LARP4B: variants seen among roughly 807,000 people sequenced by gnomAD.
LARP4B encodes the protein La ribonucleoprotein 4B.
In LARP4B, 12 loss-of-function variants were observed where a neutral mutation model predicts 89.8. The ratio of observed to expected loss-of-function variants is 0.13; its 90% CI spans 0.09 to 0.22. The LOEUF (loss-of-function observed/expected upper bound fraction) is 0.22. Among genes scored for constraint, LARP4B ranks in the 10% least tolerant of loss-of-function variants. The pLI is 1.00. For missense variants in LARP4B, 757 were observed against 947.7 expected, an observed-to-expected ratio of 0.80 and a Z score of 2.64; for synonymous variants, 367 against 363.3, an observed-to-expected ratio of 1.01 and a Z score of -0.12.
chr10:850,223 C>T (rs1234503261), intron 5 of LARP4B, among the ~76,000 whole-genome samples: 4 of 152,156 alleles, frequency 2.6e-5, no homozygotes, highest in African/African-American at 9.7e-5. Flanking sequence ...AATTACCACA[C>T]TAAATGTTAA....
At chr10:911,340 T>C (rs1045096637) in intron 1 of LARP4B, among the ~76,000 whole-genome samples, 2 of 152,192 alleles carry the variant, frequency 1.3e-5, no homozygotes, top group Non-Finnish European at 1.5e-5. Flanking sequence ...ACTTTGGCTA[T>C]TGTTTTTTTG....
chr10:942,937 GCTGA>G, the LARP4B span, among the ~76,000 whole-genome samples: 1 of 150,448 alleles, frequency 6.6e-6, no homozygotes, highest in Non-Finnish European at 1.5e-5. Context: ...CACAGTCCAA[GCTGA>G]CTTCTTTTTT....
chr10:811,559 C>G lies in LARP4B; in HGVS notation c.*1367G>C, dbSNP rs1831744431. 1 of 152,622 alleles carries G rather than the reference C, an allele frequency of 6.6e-6. No homozygotes were observed. Among genetic ancestry groups the G allele is most frequent in the Non-Finnish European group, 1.5e-5 (1 of 68,038 alleles). The allele number at this position is 152,622 out of a possible 1,614,324, so 9.5% of individuals were successfully genotyped here. A position where few individuals can be genotyped will look rare whatever the true frequency, so the allele number is the denominator to read the frequency against. The stretch of plus-strand genomic sequence containing the variant: ...AGTAACTCTGACCCACTCACGCCAA[C>G]CCAGGGCCGGGCTCCATGGACTCTA... On this transcript the variant is annotated 3_prime_UTR_variant, in exon 18 of 18. Transcript: ENST00000316157.
At chr10:859,358 T>C (rs894301755) in intron 5 of LARP4B, among the ~76,000 whole-genome samples, 2 of 151,600 alleles carry the variant, frequency 1.3e-5, no homozygotes, top group African/African-American at 4.8e-5. Context: ...ATGGTGGGAA[T>C]GTAAAATACT....
chr10:972,577 G>A, the LARP4B span: 5 of 457,374 alleles, frequency 1.1e-5, no homozygotes, highest in Admixed American at 2.3e-5. Context: ...CACAGCCACA[G>A]CGTCAGAGTT....
At chr10:875,144 C>A (rs1835405594) in intron 3 of LARP4B, among the ~76,000 whole-genome samples, 1 of 152,184 alleles carries the variant, frequency 6.6e-6, no homozygotes, top group African/African-American at 2.4e-5. Context: ...ACGATTCATA[C>A]CAGCTGTAAA....
intron 11 of LARP4B, among the ~76,000 whole-genome samples, chr10:826,109 C>T (rs191089707): frequency 7.2e-5 from 11 of 152,328 alleles, no homozygotes; most frequent in Admixed American, 2.0e-4. Flanking sequence ...CTGACACATG[C>T]GGAAGCAGGC....
chr10:826,729 A>C (rs1045731183), intron 11 of LARP4B, among the ~76,000 whole-genome samples: 2 of 152,168 alleles, frequency 1.3e-5, no homozygotes, highest in Non-Finnish European at 2.9e-5. Flanking sequence ...TTAGTTCCTG[A>C]GGGCCTTCCA....
In LARP4B at chr10:817,664, T is replaced by G. The variant is rs1449691980; in HGVS notation, c.1695+61A>C. ...TGTATAAAGAGCTCAGCAAAGCGCC[T>G]GACACGGAACCCGTACCTAGACACT... is the stretch of plus-strand genomic sequence containing the variant. On this transcript the variant is annotated intron_variant, in intron 15 of 17. Transcript: ENST00000316157. The G allele has an allele frequency of 2.0e-6, 3 of 1,516,882 alleles. No individual in the cohort carries two copies. The African/African-American group carries it at 4.1e-5, about 21-fold the overall frequency. 94.0% of individuals were successfully genotyped at this position (1,516,882 alleles called of 1,614,324 possible). A position where few individuals can be genotyped will look rare whatever the true frequency, so the allele number is the denominator to read the frequency against.
chr10:845,279 T>A (rs1588898774), intron 5 of LARP4B, among the ~76,000 whole-genome samples: 1 of 152,190 alleles, frequency 6.6e-6, no homozygotes, highest in East Asian at 1.9e-4. Flanking sequence ...AAAAATAATC[T>A]AAGTCTCATT....
the LARP4B span, among the ~76,000 whole-genome samples, chr10:950,904 G>A: frequency 6.6e-6 from 1 of 151,404 alleles, no homozygotes; most frequent in Admixed American, 6.6e-5. Flanking sequence ...GATTCCTTGG[G>A]ATTTTCTCTG....
chr10:893,319 T>C (rs1356181786), intron 1 of LARP4B, among the ~76,000 whole-genome samples: 1 of 152,200 alleles, frequency 6.6e-6, no homozygotes, highest in Non-Finnish European at 1.5e-5. Flanking sequence ...TATATATACA[T>C]GCCTACACAT....
intron 9 of LARP4B, among the ~76,000 whole-genome samples, chr10:830,510 C>T (rs937418004): frequency 6.6e-6 from 1 of 152,164 alleles, no homozygotes; most frequent in African/African-American, 2.4e-5. Context: ...CCATTAAAAG[C>T]ATCTTCCAAA....
chr10:898,792 C>G (rs2131979388), intron 1 of LARP4B, among the ~76,000 whole-genome samples: 1 of 152,276 alleles, frequency 6.6e-6, no homozygotes. Flanking sequence ...AGGTTCCATG[C>G]CTATTTAGCA....
At chr10:890,141 G>GT (rs1564433025) in intron 1 of LARP4B, among the ~76,000 whole-genome samples, 1 of 152,166 alleles carries the variant, frequency 6.6e-6, no homozygotes, top group Non-Finnish European at 1.5e-5. Context: ...CTTTAAAAGT[G>GT]TAACTATTTT....
intron 3 of LARP4B, among the ~76,000 whole-genome samples, chr10:870,944 T>C (rs999309658): frequency 1.3e-5 from 2 of 152,244 alleles, no homozygotes; most frequent in Non-Finnish European, 2.9e-5. Flanking sequence ...GTGTGTTTCA[T>C]AACTTTTTTC....
At chr10:852,326 A>G (rs139159325) in intron 5 of LARP4B, among the ~76,000 whole-genome samples, 49 of 152,348 alleles carry the variant, frequency 3.2e-4, no homozygotes, top group African/African-American at 1.0e-3. Flanking sequence ...GGTTTAGACC[A>G]CAAATGTTGG....
chr10:865,227 C>G (rs548704295), intron 3 of LARP4B, among the ~76,000 whole-genome samples: 29 of 152,306 alleles, frequency 1.9e-4, no homozygotes, highest in South Asian at 1.9e-3. Flanking sequence ...AACGGACTCT[C>G]AGATCACTGG....
At chr10:817,207 A>G (rs184093426) in intron 15 of LARP4B, among the ~76,000 whole-genome samples, 2 of 152,284 alleles carry the variant, frequency 1.3e-5, no homozygotes, top group Non-Finnish European at 2.9e-5. Context: ...GTCCTCTGTC[A>G]TCTGCAGCTC....
Sources: allele counts gnomAD v4.1 joint callset (sites outside exome capture counted in the v4.1 genomes callset), GRCh38; gene constraint gnomAD v4.1.1; transcripts MANE v1.5; gene names NCBI Gene and HGNC (gene_info 2026-07-23, HGNC 2026-07-21).